PCDH7: variants seen among roughly 807,000 people sequenced by gnomAD.
The protein encoded by PCDH7 is protocadherin-7.
A neutral mutation model predicts 58.9 loss-of-function variants in PCDH7; 17 were observed. The observed-to-expected ratio is 0.29, with a 90% CI of 0.20 to 0.43. The LOEUF (loss-of-function observed/expected upper bound fraction) is 0.43. PCDH7 is among the 20% of genes least tolerant of loss of function. PCDH7 has a pLI of 1.00. For missense variants in PCDH7, 1,274 were observed against 1,441.0 expected (o/e 0.88, Z 1.88); for synonymous variants, 664 against 616.4 (o/e 1.08, Z -1.14).
chr4:31,003,943 C>A (rs760888068), intron 3 of PCDH7, among the ~76,000 whole-genome samples: 1 of 152,080 alleles, frequency 6.6e-6, no homozygotes, highest in South Asian at 2.1e-4. Context: ...AGTAGGTTTT[C>A]TTTTCTTTTG....
chr4:30,729,377 GTTC>G (rs1227721692), intron 1 of PCDH7, among the ~76,000 whole-genome samples: 2 of 151,862 alleles, frequency 1.3e-5, no homozygotes, highest in Non-Finnish European at 2.9e-5. Context: ...TTAGGCTCCA[GTTC>G]TTCTGTGTAA....
intron 1 of PCDH7, among the ~76,000 whole-genome samples, chr4:30,850,561 G>A (rs1440368728): frequency 1.3e-5 from 2 of 152,002 alleles, no homozygotes; most frequent in African/African-American, 4.8e-5. Flanking sequence ...GGAGGGGGTT[G>A]GTTTTGTTGC....
intron 3 of PCDH7, among the ~76,000 whole-genome samples, chr4:31,002,992 T>A (rs1370648440): frequency 6.6e-6 from 1 of 152,212 alleles, no homozygotes; most frequent in Non-Finnish European, 1.5e-5. Context: ...CTTAACACTT[T>A]CATAGATAAA....
intron 3 of PCDH7, among the ~76,000 whole-genome samples, chr4:30,955,475 TTTTA>T (rs1479210678): frequency 4.6e-4 from 69 of 150,868 alleles, no homozygotes; most frequent in African/African-American, 1.7e-3. Flanking sequence ...AGGCCACTAT[TTTTA>T]TTTATTTTAT....
intron 3 of PCDH7, among the ~76,000 whole-genome samples, chr4:31,060,914 A>G: frequency 6.6e-6 from 1 of 151,734 alleles, no homozygotes; most frequent in East Asian, 1.9e-4. Flanking sequence ...TTCACTACAA[A>G]TTTAGGGAAA....
rs58773713 is a variant in PCDH7 at position 31,096,341 on chromosome 4, G to C, written c.*8-46132G>C. 4.7e-3 allele frequency among the ~76,000 whole-genome samples: 713 copies of C among 152,162 alleles called. 4 individuals are homozygous for C. Among genetic ancestry groups the C allele is most frequent in the African/African-American group, 0.016 (669 of 41,510 alleles). Reference sequence around the variant, plus strand: ...TATAGAAAAGGATGTGGTCAAACATGCATGAAAATAGAAAGTTGGGTCACT... The same window carrying C: ...TATAGAAAAGGATGTGGTCAAACATCCATGAAAATAGAAAGTTGGGTCACT... On this transcript the variant is annotated intron_variant, in intron 3 of 3. Transcript: ENST00000509759.
At chr4:30,981,589 C>T (rs1446025135) in intron 3 of PCDH7, among the ~76,000 whole-genome samples, 2 of 152,116 alleles carry the variant, frequency 1.3e-5, no homozygotes, top group Non-Finnish European at 2.9e-5. Flanking sequence ...ATAAAAAGCT[C>T]ATATTCTATC....
At chr4:31,132,655 T>C (rs1010527302) in intron 3 of PCDH7, among the ~76,000 whole-genome samples, 5 of 152,134 alleles carry the variant, frequency 3.3e-5, no homozygotes, top group Non-Finnish European at 7.4e-5. Flanking sequence ...CAATACACTT[T>C]CTAGTAAAAT....
intron 3 of PCDH7, among the ~76,000 whole-genome samples, chr4:31,073,714 G>C (rs1290008351): frequency 2.6e-5 from 4 of 152,088 alleles, no homozygotes; most frequent in Non-Finnish European, 2.9e-5. Flanking sequence ...TACATGGTGG[G>C]ATTATTTCAC....
At chr4:30,935,074 G>A (rs922435258) in intron 2 of PCDH7, among the ~76,000 whole-genome samples, 5 of 151,994 alleles carry the variant, frequency 3.3e-5, no homozygotes, top group African/African-American at 7.2e-5. Flanking sequence ...GTTATTTATA[G>A]ATACATTATT....
At chr4:30,867,768 G>A (rs868241856) in intron 1 of PCDH7, among the ~76,000 whole-genome samples, 20 of 151,970 alleles carry the variant, frequency 1.3e-4, no homozygotes, top group African/African-American at 4.6e-4. Flanking sequence ...ATCACCTGAG[G>A]GGAAAATAGC....
chr4:31,067,060 C>A (rs1477679199), intron 3 of PCDH7, among the ~76,000 whole-genome samples: 1 of 151,910 alleles, frequency 6.6e-6, no homozygotes, highest in Non-Finnish European at 1.5e-5. Flanking sequence ...CTTTCATGGT[C>A]ACAAGCCCAA....
At chr4:30,937,743 G>T (rs1401267330) in intron 2 of PCDH7, among the ~76,000 whole-genome samples, 1 of 151,852 alleles carries the variant, frequency 6.6e-6, no homozygotes, top group Non-Finnish European at 1.5e-5. Flanking sequence ...TGACTCAGCT[G>T]GAGCTAGCAT....
intron 3 of PCDH7, among the ~76,000 whole-genome samples, chr4:31,029,151 T>G (rs941284598): frequency 6.6e-6 from 1 of 152,232 alleles, no homozygotes; most frequent in South Asian, 2.1e-4. Flanking sequence ...TTCTTTTTAC[T>G]GCTAATCATT....
intron 1 of PCDH7, among the ~76,000 whole-genome samples, chr4:30,761,805 A>G (rs1720066539): frequency 6.6e-6 from 1 of 152,230 alleles, no homozygotes; most frequent in Non-Finnish European, 1.5e-5. Flanking sequence ...ATCTTACAAC[A>G]GTAATATGAA....
chr4:31,012,172 C>T (rs891668881), intron 3 of PCDH7, among the ~76,000 whole-genome samples: 1 of 152,014 alleles, frequency 6.6e-6, no homozygotes, highest in Non-Finnish European at 1.5e-5. Context: ...ATCCATCTCT[C>T]GGGTTTGATT....
intron 3 of PCDH7, among the ~76,000 whole-genome samples, chr4:31,034,796 C>G (rs1421582522): frequency 6.6e-6 from 1 of 151,804 alleles, no homozygotes; most frequent in Non-Finnish European, 1.5e-5. Flanking sequence ...AGTGTGGATT[C>G]TCTGTCAGCA....
At chr4:30,802,982 T>C (rs1725724099) in intron 1 of PCDH7, among the ~76,000 whole-genome samples, 1 of 151,958 alleles carries the variant, frequency 6.6e-6, no homozygotes, top group Non-Finnish European at 1.5e-5. Context: ...GAGAGAAGGT[T>C]AAAGAAGGGA....
At chr4:31,009,260 G>A (rs1027481769) in intron 3 of PCDH7, among the ~76,000 whole-genome samples, 12 of 151,952 alleles carry the variant, frequency 7.9e-5, no homozygotes, top group Admixed American at 1.3e-4. Flanking sequence ...ATTTCTTTTA[G>A]GTTGTTTCCA....
Sources: allele counts gnomAD v4.1 joint callset (sites outside exome capture counted in the v4.1 genomes callset), GRCh38; gene constraint gnomAD v4.1.1; transcripts MANE v1.5; gene names NCBI Gene and HGNC (gene_info 2026-07-23, HGNC 2026-07-21).